The following NAV3 variants were observed in gnomAD, a reference collection of about 807,000 sequenced individuals.
The protein encoded by NAV3 is neuron navigator 3.
Under a neutral mutation model 244.7 loss-of-function variants are expected in NAV3, and 87 were observed. The ratio of observed to expected loss-of-function variants is 0.36; its 90% CI spans 0.30 to 0.42. NAV3 has a LOEUF of 0.42. Ranked by LOEUF, NAV3 falls within the 20% of genes least tolerant of loss-of-function variation. The pLI is 1.00. For missense variants in NAV3, 2,663 were observed against 2,893.3 expected, an observed-to-expected ratio of 0.92 and a Z score of 1.83; for synonymous variants, 1,126 against 1,042.2, an observed-to-expected ratio of 1.08 and a Z score of -1.55.
chr12:77,644,812 T>C (rs1592534324), intron 2 of NAV3, among the ~76,000 whole-genome samples: 1 of 152,246 alleles, frequency 6.6e-6, no homozygotes, highest in East Asian at 1.9e-4. Context: ...TTATTTAGCT[T>C]AGAAGAGTAG....
intron 31 of NAV3, among the ~76,000 whole-genome samples, chr12:78,187,129 T>C (rs1380916873): frequency 6.6e-6 from 1 of 151,858 alleles, no homozygotes; most frequent in African/African-American, 2.4e-5. Context: ...AAAATCACAA[T>C]TGTCAGCTGT....
chr12:77,598,217 T>G, intron 2 of NAV3, among the ~76,000 whole-genome samples: 1 of 152,230 alleles, frequency 6.6e-6, no homozygotes, highest in Admixed American at 6.5e-5. Context: ...AATTCTCATT[T>G]CATGAGAAAG....
chr12:77,749,961 C>T (rs1485008554), intron 2 of NAV3, among the ~76,000 whole-genome samples: 1 of 152,136 alleles, frequency 6.6e-6, no homozygotes, highest in African/African-American at 2.4e-5. Flanking sequence ...GCAGCTGCTG[C>T]TAGAGAGATA....
intron 12 of NAV3, among the ~76,000 whole-genome samples, chr12:78,094,696 T>C (rs1954138876): frequency 6.6e-6 from 1 of 152,160 alleles, no homozygotes; most frequent in Non-Finnish European, 1.5e-5. Context: ...TACCGGGTTA[T>C]AAATCCAAAA....
intron 9 of NAV3, among the ~76,000 whole-genome samples, chr12:78,035,927 T>A (rs1879794768): frequency 6.6e-6 from 1 of 152,192 alleles, no homozygotes; most frequent in Admixed American, 6.5e-5. Context: ...TTTGTGCTTT[T>A]ACAGCACAAA....
At chr12:78,014,679 A>C (rs879532052) in intron 8 of NAV3, among the ~76,000 whole-genome samples, 2 of 152,108 alleles carry the variant, frequency 1.3e-5, no homozygotes, top group Admixed American at 1.3e-4. Flanking sequence ...AGTTTTGAAA[A>C]TGCTTACTCA....
At chr12:78,204,737 G>T in intron 38 of NAV3, among the ~76,000 whole-genome samples, 198 bp from the exon 39 acceptor site, 1 of 151,972 alleles carries the variant, frequency 6.6e-6, no homozygotes, top group South Asian at 2.1e-4. Context: ...GCTTCATTTT[G>T]TCTAGCCTTC....
chr12:77,860,529 C>T (rs1421287403), intron 1 of NAV3, among the ~76,000 whole-genome samples: 1 of 151,624 alleles, frequency 6.6e-6, no homozygotes, highest in Non-Finnish European at 1.5e-5. Context: ...CTGTTACACC[C>T]TTTTCATATT....
At chr12:77,742,979 A>G (rs989273454) in intron 2 of NAV3, among the ~76,000 whole-genome samples, 7 of 152,034 alleles carry the variant, frequency 4.6e-5, no homozygotes, top group African/African-American at 1.7e-4. Flanking sequence ...GCCACTAGTG[A>G]TGCTGGAAGT....
In NAV3 at chr12:77,998,330, A is replaced by C; in HGVS notation, c.741-7A>C. 1 of 1,548,824 alleles carries C rather than the reference A, an allele frequency of 6.5e-7. No individual in the cohort carries two copies. Among genetic ancestry groups the C allele is most frequent in the East Asian group, 2.3e-5 (1 of 42,848 alleles). ...ATAATGATGTAATTTTTCTTATACT[A>C]TTTCAGGCTTCCAGGGCCCTCTAGG... On this transcript the variant is annotated splice_region_variant and splice_polypyrimidine_tract_variant and intron_variant, in intron 6 of 39. Transcript: ENST00000397909.
At chr12:77,757,805 G>C (rs1387651908) in intron 2 of NAV3, among the ~76,000 whole-genome samples, 5 of 152,178 alleles carry the variant, frequency 3.3e-5, no homozygotes, top group African/African-American at 1.2e-4. Flanking sequence ...TATAACCTCA[G>C]ACATTAAATT....
intron 9 of NAV3, among the ~76,000 whole-genome samples, chr12:78,029,723 T>C (rs1198472225): frequency 6.6e-6 from 1 of 152,220 alleles, no homozygotes; most frequent in Non-Finnish European, 1.5e-5. Flanking sequence ...TGTTGTTTCA[T>C]AGCTGATACA....
chr12:77,873,752 A>ATATATATATATATG (rs1881405796), intron 1 of NAV3, among the ~76,000 whole-genome samples: 1 of 101,376 alleles, frequency 9.9e-6, no homozygotes, highest in Non-Finnish European at 2.2e-5. Context: ...GTGTATATAT[A>ATATATATATATATG]TATATATATA....
intron 22 of NAV3, among the ~76,000 whole-genome samples, chr12:78,156,223 G>C (rs1565734137): frequency 1.3e-5 from 2 of 152,042 alleles, no homozygotes; most frequent in Non-Finnish European, 2.9e-5. Context: ...TGGCTAGTCA[G>C]TTCTACCAGC....
intron 2 of NAV3, among the ~76,000 whole-genome samples, chr12:77,728,340 A>G (rs1477674514): frequency 6.6e-6 from 1 of 152,036 alleles, no homozygotes; most frequent in Non-Finnish European, 1.5e-5. Flanking sequence ...TGGCATGGGT[A>G]GACTTGTGTT....
At chr12:77,891,321 GATA>G (rs1045531298) in intron 1 of NAV3, among the ~76,000 whole-genome samples, 89 of 148,708 alleles carry the variant, frequency 6.0e-4, no homozygotes, top group Non-Finnish European at 1.5e-4. Context: ...AATTTATAAA[GATA>G]ATATAATTTA....
At chr12:78,095,045 T>TTATATATATATATATATATATATA (rs368659738) in intron 12 of NAV3, among the ~76,000 whole-genome samples, 19 of 123,850 alleles carry the variant, frequency 1.5e-4, no homozygotes, top group East Asian at 4.4e-4. Context: ...CCATATCAAA[T>TTATATATATATATATATATATATA]TATATATATA....
rs1181045738 is a variant in NAV3 at position 77,691,350 on chromosome 12, TATATAC to T, written c.72+119089_72+119094del. 9.9e-4 allele frequency among the ~76,000 whole-genome samples: 136 copies of T among 137,154 alleles called. 7 individuals carry two copies. In the Middle Eastern group the frequency reaches 0.019, roughly 20 times the overall value. 90.0% of individuals were successfully genotyped at this position (137,154 alleles called of 152,430 possible). A position where few individuals can be genotyped will look rare whatever the true frequency, so the allele number is the denominator to read the frequency against. ...TTGTGTATGTGTGTATATATATATATATATACATATCCATTCTTGTACTTTTTCTGC... is the reference window on the plus strand; with the variant it reads ...TTGTGTATGTGTGTATATATATATATATATCCATTCTTGTACTTTTTCTGC... On this transcript the variant is annotated intron_variant, in intron 2 of 8. Transcript: ENST00000550042.
At chr12:78,108,055 G>A (rs1954897312) in intron 12 of NAV3, among the ~76,000 whole-genome samples, 1 of 152,066 alleles carries the variant, frequency 6.6e-6, no homozygotes, top group Non-Finnish European at 1.5e-5. Context: ...AATATATGCT[G>A]ATTACAAGAA....
Sources: gnomAD v4.1 joint callset for allele counts (sites outside exome capture counted in the v4.1 genomes callset) on GRCh38, gnomAD v4.1.1 for gene constraint, MANE v1.5 for transcripts, NCBI Gene and HGNC (gene_info 2026-07-23, HGNC 2026-07-21) for gene names.